CAMTA1: variants seen among roughly 807,000 people sequenced by gnomAD.
The protein encoded by CAMTA1 is calmodulin binding transcription activator 1.
CAMTA1 carries 27 observed loss-of-function variants against 170.9 expected under a neutral mutation model. That is an observed-to-expected ratio of 0.16 (90% CI 0.12 to 0.22). The LOEUF is 0.22. CAMTA1 is among the 10% of genes least tolerant of loss of function. The pLI is 1.00. For missense variants in CAMTA1, 1,619 were observed against 2,217.2 expected, an observed-to-expected ratio of 0.73 and a Z score of 5.42; for synonymous variants, 833 against 891.5, an observed-to-expected ratio of 0.93 and a Z score of 1.17.
At chr1:6,917,937 C>T (rs900648330) in intron 3 of CAMTA1, among the ~76,000 whole-genome samples, 2 of 151,968 alleles carry the variant, frequency 1.3e-5, no homozygotes, top group Admixed American at 6.6e-5. Context: ...ACAGCGAAGA[C>T]GTTCCAGGTA....
At chr1:7,137,894 C>A (rs745903713) in intron 4 of CAMTA1, among the ~76,000 whole-genome samples, 1 of 152,322 alleles carries the variant, frequency 6.6e-6, no homozygotes, top group East Asian at 1.9e-4. Context: ...GCTGGAATAT[C>A]GGGCAGGTAT....
chr1:7,194,500 A>G (rs1030810647), intron 4 of CAMTA1, among the ~76,000 whole-genome samples: 2 of 152,172 alleles, frequency 1.3e-5, no homozygotes, highest in African/African-American at 4.8e-5. Context: ...ATATATGAGC[A>G]CTGTCTTTTG....
chr1:7,252,249 A>G (rs1666747335), intron 5 of CAMTA1, among the ~76,000 whole-genome samples: 1 of 152,150 alleles, frequency 6.6e-6, no homozygotes, highest in Non-Finnish European at 1.5e-5. Flanking sequence ...TTTTCCCCAC[A>G]TCCTCTCGCT....
At chr1:7,362,039 C>G (rs1435635073) in intron 5 of CAMTA1, among the ~76,000 whole-genome samples, 1 of 152,238 alleles carries the variant, frequency 6.6e-6, no homozygotes, top group African/African-American at 2.4e-5. Context: ...AAAATTTTCT[C>G]TATACTTGGA....
At chr1:6,859,312 C>T (rs1047787563) in intron 3 of CAMTA1, among the ~76,000 whole-genome samples, 8 of 152,060 alleles carry the variant, frequency 5.3e-5, no homozygotes, top group Non-Finnish European at 1.0e-4. Context: ...GTGTCAGTGC[C>T]TGTGTGTGGG....
chr1:7,624,884 T>C (rs981206239), intron 6 of CAMTA1, among the ~76,000 whole-genome samples: 2 of 151,830 alleles, frequency 1.3e-5, no homozygotes, highest in Admixed American at 1.3e-4. Flanking sequence ...ATTATTTTGG[T>C]TGGAAGGATA....
At chr1:6,801,079 T>G (rs1643746870) in intron 1 of CAMTA1, among the ~76,000 whole-genome samples, 1 of 152,168 alleles carries the variant, frequency 6.6e-6, no homozygotes, top group Non-Finnish European at 1.5e-5. Context: ...CACTTAACAT[T>G]TTTGAAGTAC....
intron 4 of CAMTA1, among the ~76,000 whole-genome samples, chr1:7,200,707 C>G (rs574206845): frequency 1.3e-5 from 2 of 152,150 alleles, no homozygotes; most frequent in Non-Finnish European, 2.9e-5. Flanking sequence ...TACCTCATAT[C>G]AGGAGATTTG....
At chr1:7,754,420 C>T (rs1420896511) in intron 21 of CAMTA1, among the ~76,000 whole-genome samples, 1 of 152,156 alleles carries the variant, frequency 6.6e-6, no homozygotes, top group Non-Finnish European at 1.5e-5. Flanking sequence ...GCATAAAGTC[C>T]TACACTCATC....
intron 3 of CAMTA1, among the ~76,000 whole-genome samples, chr1:7,077,578 G>A (rs1386794051): frequency 6.6e-6 from 1 of 152,062 alleles, no homozygotes; most frequent in Non-Finnish European, 1.5e-5. Context: ...GGAGCTGTCA[G>A]CTGTGAGGGA....
intron 6 of CAMTA1, among the ~76,000 whole-genome samples, chr1:7,495,902 G>A (rs1360407851): frequency 6.6e-6 from 1 of 152,224 alleles, no homozygotes; most frequent in East Asian, 1.9e-4. Context: ...GAGGTGACGG[G>A]CACTGCCTGT....
At chr1:7,223,358 G>A (rs11808997) in intron 4 of CAMTA1, among the ~76,000 whole-genome samples, 3,276 of 152,112 alleles carry the variant, frequency 0.022, 71 homozygotes, top group East Asian at 0.094. Context: ...GATTGTGTGC[G>A]TATGTGTGTG....
chr1:7,105,421 C>T (rs1377431402), intron 4 of CAMTA1, among the ~76,000 whole-genome samples: 1 of 152,176 alleles, frequency 6.6e-6, no homozygotes, highest in African/African-American at 2.4e-5. Flanking sequence ...TAGGAGAATT[C>T]CCCAGATCTG....
intron 4 of CAMTA1, chr1:7,219,356 C>T (rs1218227077): frequency 1.3e-5 from 2 of 151,780 alleles, no homozygotes; most frequent in African/African-American, 2.4e-5. Context: ...AGAAGGGACC[C>T]GCCATGCTTA....
At chr1:7,138,020 C>T (rs116919904) in intron 4 of CAMTA1, among the ~76,000 whole-genome samples, 12,303 of 152,234 alleles carry the variant, frequency 0.081, 824 homozygotes, top group African/African-American at 0.17. Flanking sequence ...GAGTCTTGCT[C>T]TGTTGCCCAG....
intron 6 of CAMTA1, among the ~76,000 whole-genome samples, chr1:7,567,966 C>T (rs2095063607): frequency 6.6e-6 from 1 of 152,172 alleles, no homozygotes; most frequent in Non-Finnish European, 1.5e-5. Flanking sequence ...ACCTACCTAA[C>T]TGGGTTGTTG....
chr1:7,480,324 T>TGA (rs563659287), intron 6 of CAMTA1, among the ~76,000 whole-genome samples: 63,682 of 149,706 alleles, frequency 0.43, 13,821 homozygotes, highest in Middle Eastern at 0.52. Flanking sequence ...AGTGTGTGTG[T>TGA]GTATGAGTGC....
At position 7,044,320 on chromosome 1, in the gene CAMTA1, G is replaced by A. The variant is rs1558016303; in HGVS notation, c.235-46984G>A. On this transcript the variant is annotated intron_variant, in intron 3 of 22. Transcript: ENST00000303635. This position sits in a 1 kb window ranked among gnomAD's most constrained non-coding sequence, Gnocchi z 5.0. ...TGGGGGAGACCCAGAGAGACGCAGA[G>A]CAGTGCCGCTGGGGACCCCGGGGAC... 6.6e-6 allele frequency among the ~76,000 whole-genome samples: 1 copy of A among 152,152 alleles called. No homozygotes were observed. Among genetic ancestry groups the A allele is most frequent in the Non-Finnish European group, 1.5e-5 (1 of 68,010 alleles).
At chr1:6,989,889 G>A (rs1045919691) in intron 3 of CAMTA1, among the ~76,000 whole-genome samples, 2 of 152,168 alleles carry the variant, frequency 1.3e-5, no homozygotes, top group Admixed American at 6.5e-5. Context: ...GTCCTGGGCT[G>A]GAGGAATAGA....
Sources: allele counts gnomAD v4.1 joint callset (sites outside exome capture counted in the v4.1 genomes callset), GRCh38; gene constraint gnomAD v4.1.1; non-coding constraint Gnocchi (gnomAD v3.1); transcripts MANE v1.5; gene names NCBI Gene and HGNC (gene_info 2026-07-23, HGNC 2026-07-21).